CDH9: variants seen among roughly 807,000 people sequenced by gnomAD.
CDH9 encodes the protein cadherin-9.
In CDH9, 28 loss-of-function variants were observed where a neutral mutation model predicts 70.9. The ratio of observed to expected loss-of-function variants is 0.40; its 90% CI spans 0.29 to 0.54. CDH9 has a LOEUF of 0.54. Among genes scored for constraint, CDH9 ranks in the 20% least tolerant of loss-of-function variants. CDH9 has a pLI of 0.59. For synonymous variants in CDH9, 409 were observed against 343.1 expected (o/e 1.19, Z -2.12); for missense variants, 874 against 984.4 (o/e 0.89, Z 1.50).
At position 26,885,882 on chromosome 5, in the gene CDH9, GT is replaced by G; in HGVS notation, c.1631-18del. On this transcript the variant is annotated intron_variant, in intron 10 of 11. Coordinates refer to ENST00000231021, the MANE Select transcript of CDH9 (RefSeq NM_016279.4). ...CTGTATTATCTGGGGGAGAAAACAT[GT>G]AAAAAAACAAAAACTTTCATATTTG... The G allele has an allele frequency of 6.2e-7, 1 of 1,606,548 alleles. No homozygotes were observed. The highest frequency in any genetic ancestry group is 8.5e-7 in the Non-Finnish European group (1 of 1,176,900).
intron 2 of CDH9, among the ~76,000 whole-genome samples, chr5:26,961,831 T>C (rs1193161475): frequency 6.6e-6 from 1 of 152,148 alleles, no homozygotes; most frequent in Non-Finnish European, 1.5e-5. Context: ...GCCCCCTTTT[T>C]TTTAAATTGT....
intron 2 of CDH9, among the ~76,000 whole-genome samples, chr5:26,949,596 A>T (rs917209070): frequency 1.3e-5 from 2 of 152,198 alleles, no homozygotes; most frequent in African/African-American, 4.8e-5. Context: ...ACTCATGTTC[A>T]TCATGCCACA....
chr5:26,973,455 A>G (rs1742254655), intron 2 of CDH9, among the ~76,000 whole-genome samples: 1 of 149,260 alleles, frequency 6.7e-6, no homozygotes, highest in Non-Finnish European at 1.5e-5. Flanking sequence ...TTTTTTTTTT[A>G]CAAAAGATGT....
intron 7 of CDH9, among the ~76,000 whole-genome samples, chr5:26,895,157 G>A (rs897045945): frequency 2.0e-5 from 3 of 151,928 alleles, no homozygotes; most frequent in Admixed American, 6.6e-5. Context: ...AATTTAGGTA[G>A]GACATAATTT....
intron 2 of CDH9, among the ~76,000 whole-genome samples, chr5:26,944,941 A>G (rs1741723491): frequency 8.0e-6 from 1 of 125,244 alleles, no homozygotes; most frequent in African/African-American, 2.7e-5. Flanking sequence ...TAAATCTTTG[A>G]TATACACTAT....
chr5:26,998,454 C>T (rs201505241), intron 1 of CDH9, among the ~76,000 whole-genome samples: 1 of 151,942 alleles, frequency 6.6e-6, no homozygotes. Flanking sequence ...TGGAAGCCAT[C>T]ATTCTCAGCA....
chr5:26,933,966 A>C (rs1338459604), intron 2 of CDH9, among the ~76,000 whole-genome samples: 1 of 151,724 alleles, frequency 6.6e-6, no homozygotes, highest in East Asian at 1.9e-4. Context: ...GTAATTTATA[A>C]AGAAAAGTGG....
At chr5:26,885,139 C>A (rs542949209) in intron 11 of CDH9, among the ~76,000 whole-genome samples, 19 of 152,150 alleles carry the variant, frequency 1.2e-4, no homozygotes, top group Non-Finnish European at 2.4e-4. Context: ...ACTATAAGGG[C>A]AAAGTAGTCT....
At chr5:26,957,338 T>C (rs1477300148) in intron 2 of CDH9, among the ~76,000 whole-genome samples, 1 of 152,128 alleles carries the variant, frequency 6.6e-6, no homozygotes, top group Non-Finnish European at 1.5e-5. Flanking sequence ...TAAAAAATCA[T>C]AGGCTGTAAA....
intron 2 of CDH9, among the ~76,000 whole-genome samples, chr5:26,972,434 G>T (rs1742235562): frequency 6.6e-6 from 1 of 152,080 alleles, no homozygotes; most frequent in African/African-American, 2.4e-5. Context: ...ATATGTGGGG[G>T]CTGAGTTCCA....
chr5:26,906,686 C>A (rs1485898782), intron 4 of CDH9, 33 bp downstream of exon 4: 1 of 1,609,278 alleles, frequency 6.2e-7, no homozygotes, highest in East Asian at 2.2e-5. Context: ...ATGTATTATA[C>A]AATAAGAAGT....
intron 2 of CDH9, among the ~76,000 whole-genome samples, chr5:26,952,634 C>CAAAAAAA (rs35876875): frequency 1.7e-5 from 1 of 57,836 alleles, no homozygotes; most frequent in Non-Finnish European, 3.0e-5. Context: ...GACTCCGTCT[C>CAAAAAAA]AAAAAAAAAA....
chr5:27,000,851 A>T (rs2112104991), intron 1 of CDH9, among the ~76,000 whole-genome samples: 1 of 152,294 alleles, frequency 6.6e-6, no homozygotes, highest in South Asian at 2.1e-4. Context: ...AAGGGAGAGC[A>T]TCTTTTCTGA....
At chr5:26,910,657 C>T (rs1396997199) in intron 3 of CDH9, among the ~76,000 whole-genome samples, 1 of 152,132 alleles carries the variant, frequency 6.6e-6, no homozygotes, top group African/African-American at 2.4e-5. Context: ...ATAGTATGGG[C>T]TTTTTCCTGC....
At chr5:26,883,090 T>TAG in intron 11 of CDH9, among the ~76,000 whole-genome samples, 1 of 116,172 alleles carries the variant, frequency 8.6e-6, no homozygotes, top group East Asian at 2.7e-4. Context: ...TATATATATA[T>TAG]ATATAAAACT....
chr5:26,911,399 C>CGGCCT, intron 3 of CDH9, among the ~76,000 whole-genome samples: 2 of 152,068 alleles, frequency 1.3e-5, no homozygotes, highest in African/African-American at 4.8e-5. Context: ...TGAATCCACA[C>CGGCCT]ATAGTGAACC....
chr5:26,888,137 A>G lies in CDH9; in HGVS notation c.1512+1699T>C, dbSNP rs535615739. ...TAATGATTTTAAAAGAATTCACACT[A>G]AAAGTGTTATGAGAAATTTACATAT... On this transcript the variant is annotated intron_variant, in intron 9 of 11. Coordinates refer to ENST00000231021, the MANE Select transcript of CDH9 (RefSeq NM_016279.4). Among the ~76,000 whole-genome samples the G allele has an allele frequency of 4.6e-5, 7 of 152,324 alleles. No individual in the cohort carries two copies. The East Asian group carries it at 1.4e-3, about 29-fold the overall frequency.
chr5:26,945,473 T>G (rs1392453040), intron 2 of CDH9, among the ~76,000 whole-genome samples: 1 of 152,160 alleles, frequency 6.6e-6, no homozygotes, highest in Non-Finnish European at 1.5e-5. Flanking sequence ...TACCTTTTAC[T>G]TCTTAATTGC....
At chr5:26,910,052 T>A (rs1741022083) in intron 3 of CDH9, among the ~76,000 whole-genome samples, 1 of 152,020 alleles carries the variant, frequency 6.6e-6, no homozygotes, top group Non-Finnish European at 1.5e-5. Context: ...GGAAGTTAAA[T>A]CAATTCATTT....
Sources: allele counts gnomAD v4.1 joint callset (sites outside exome capture counted in the v4.1 genomes callset), GRCh38; gene constraint gnomAD v4.1.1; transcripts MANE v1.5; gene names NCBI Gene and HGNC (gene_info 2026-07-23, HGNC 2026-07-21).